The following GPM6B variants were observed in gnomAD, a reference collection of about 807,000 sequenced individuals.
GPM6B encodes glycoprotein M6B.
In GPM6B, 4 loss-of-function variants were observed where a neutral mutation model predicts 27.2. The ratio of observed to expected loss-of-function variants is 0.15; its 90% confidence interval spans 0.07 to 0.34. GPM6B has a LOEUF of 0.34. GPM6B is among the 10% of genes least tolerant of loss of function. The probability of loss-of-function intolerance (pLI) is 1.00; values close to 1 mark genes in which losing one functional copy is unlikely to be tolerated. For synonymous variants in GPM6B, 124 were observed against 103.1 expected, an observed-to-expected ratio of 1.20 and a Z score of -1.23; for missense variants, 183 against 261.9, an observed-to-expected ratio of 0.70 and a Z score of 2.08.
chrX:13,908,762 A>G (rs761024748), intron 1 of GPM6B, among the ~76,000 whole-genome samples: 2 of 112,632 alleles, frequency 1.8e-5, no homozygotes, highest in South Asian at 3.7e-4. Context: ...TTCAAAATAA[A>G]GAAATTTTAA....
Position 13,779,921 on chromosome X carries a change from C to G in GPM6B, c.594G>C (p.Val198=). 8.3e-7 allele frequency: 1 copy of G among 1,202,443 alleles called. No homozygotes were observed. Among genetic ancestry groups the G allele is most frequent in the Non-Finnish European group, 1.1e-6 (1 of 888,896 alleles). ...TTGACCATATGTTGTAGAACATAAA[C>G]ACGGGCACCGCTGAGAAACCAAACA... ...LGVFGFSAVP[V]FMFYNIWSTC... is the part of the protein sequence containing the mutation. Residue 198 remains valine, a synonymous_variant, in exon 5 of 8, where the codon GTG becomes GTC. Coordinates refer to ENST00000316715, the MANE Select transcript of GPM6B (RefSeq NM_001001995.3).
intron 1 of GPM6B, among the ~76,000 whole-genome samples, chrX:13,826,377 G>T (rs2049372501): frequency 9.0e-6 from 1 of 111,281 alleles, no homozygotes; most frequent in Non-Finnish European, 1.9e-5. Flanking sequence ...AATGGGAAAT[G>T]AGGACCAAAT....
chrX:13,808,374 C>T (rs2049062908), intron 1 of GPM6B, among the ~76,000 whole-genome samples: 1 of 112,233 alleles, frequency 8.9e-6, no homozygotes, highest in African/African-American at 3.2e-5. Context: ...ACAGAAAGGG[C>T]TACTGGTCTT....
rs1035556672 is a variant in GPM6B at position 13,907,738 on chromosome X, G to A, written c.-198+30589C>T. Reference sequence around the variant, plus strand: ...TTTAATGTTAAAATGGACTATTGAAGATTGCACTTCGTTCTTAAAATTGGC... The same window carrying A: ...TTTAATGTTAAAATGGACTATTGAAAATTGCACTTCGTTCTTAAAATTGGC... On this transcript the variant is annotated intron_variant, in intron 1 of 6. Transcript: ENST00000398361. Among the ~76,000 whole-genome samples, 119 of 112,422 alleles carry A rather than the reference G, an allele frequency of 1.1e-3. 1 individual carries two copies. Among genetic ancestry groups the A allele is most frequent in the African/African-American group, 3.7e-3 (114 of 31,039 alleles).
chrX:13,909,119 CCTT>C (rs1349214948), intron 1 of GPM6B, among the ~76,000 whole-genome samples: 6 of 73,678 alleles, frequency 8.1e-5, no homozygotes, highest in African/African-American at 3.3e-4. Context: ...TTGTTCATAT[CCTT>C]TTTTTTTTTT....
At chrX:13,789,773 T>C (rs1057416156) in intron 2 of GPM6B, among the ~76,000 whole-genome samples, 3 of 91,635 alleles carry the variant, frequency 3.3e-5, no homozygotes, top group African/African-American at 1.1e-4. Context: ...AGACTCCATC[T>C]CAAAACAAAA....
At chrX:13,791,458 A>T (rs1019260696) in intron 2 of GPM6B, among the ~76,000 whole-genome samples, 13 of 111,722 alleles carry the variant, frequency 1.2e-4, no homozygotes, top group African/African-American at 4.2e-4. Flanking sequence ...TTTTACTAGT[A>T]ATTCTCAATA....
intron 2 of GPM6B, among the ~76,000 whole-genome samples, chrX:13,789,250 A>T (rs1010469419): frequency 1.1e-4 from 12 of 112,200 alleles, no homozygotes; most frequent in Admixed American, 6.6e-4. Flanking sequence ...TGTATCTTCT[A>T]TGTCAGTATA....
chrX:13,852,958 T>A (rs144810193), intron 1 of GPM6B, among the ~76,000 whole-genome samples: 1 of 109,721 alleles, frequency 9.1e-6, no homozygotes. Context: ...AAACCTTTTA[T>A]GTGTATCATT....
chrX:13,774,591 C>T (rs777906195), intron 7 of GPM6B: 10 of 1,209,128 alleles, frequency 8.3e-6, no homozygotes, highest in Non-Finnish European at 1.1e-5. Context: ...TTCAAAACCG[C>T]ATAGTTATAT....
intron 1 of GPM6B, among the ~76,000 whole-genome samples, chrX:13,886,534 C>A (rs2050136526): frequency 9.3e-6 from 1 of 107,012 alleles, no homozygotes; most frequent in Admixed American, 1.0e-4. Context: ...CATTCCACAC[C>A]TCTATACCCG....
chrX:13,847,934 T>A (rs2040618), intron 1 of GPM6B, among the ~76,000 whole-genome samples: 43,054 of 110,692 alleles, frequency 0.39, 6,462 homozygotes, highest in Non-Finnish European at 0.47. Flanking sequence ...TATTAAGAGA[T>A]AAGTCGAGAA....
intron 1 of GPM6B, among the ~76,000 whole-genome samples, chrX:13,842,186 G>A (rs777720153): frequency 1.8e-5 from 2 of 112,243 alleles, no homozygotes; most frequent in African/African-American, 3.2e-5. Context: ...TTAGAAAATT[G>A]TCATTGCATT....
intron 1 of GPM6B, among the ~76,000 whole-genome samples, chrX:13,932,903 C>A (rs1921645829): frequency 8.9e-6 from 1 of 111,807 alleles, no homozygotes; most frequent in Non-Finnish European, 1.9e-5. Context: ...GAAAGAACAT[C>A]CAAACTGCTC....
Position 13,804,426 on chromosome X carries a change from C to T in GPM6B, c.181+3224G>A, listed in dbSNP as rs868585169. The stretch of plus-strand genomic sequence containing the variant: ...GCAGCATCATGGACGGCGGGGGGGG[C>T]GGGGGGCGGGGGTAGCCCATGTGGT... On this transcript the variant is annotated intron_variant, in intron 2 of 7. Coordinates refer to ENST00000316715, the MANE Select transcript of GPM6B (RefSeq NM_001001995.3). Among the ~76,000 whole-genome samples, 6 of 3,718 alleles carry T rather than the reference C, an allele frequency of 1.6e-3. No individual in the cohort carries two copies. The East Asian group carries it at 0.059, about 36-fold the overall frequency. The allele number at this position is 3,718 out of a possible 115,157, so 3.2% of individuals were successfully genotyped here.
At chrX:13,827,986 T>C (rs1336079167) in intron 1 of GPM6B, among the ~76,000 whole-genome samples, 1 of 111,250 alleles carries the variant, frequency 9.0e-6, no homozygotes, top group Non-Finnish European at 1.9e-5. Flanking sequence ...TGCTTTCTCA[T>C]GCAGGCACAC....
At position 13,907,422 on chromosome X, in the gene GPM6B, G is replaced by A. The variant is rs1347930858; in HGVS notation, c.-198+30905C>T. Among the ~76,000 whole-genome samples, 8 of 112,305 alleles carry A rather than the reference G, an allele frequency of 7.1e-5. No individual in the cohort carries two copies. The Admixed American group carries it at 7.5e-4, about 11-fold the overall frequency. On this transcript the variant is annotated intron_variant, in intron 1 of 6. Coordinates refer to the GPM6B transcript ENST00000398361. The stretch of plus-strand genomic sequence containing the variant: ...AATTCGGCTGGGCACAGTGGCTCAC[G>A]CCTGTAATCCCAGCACTTTGGGAGG...
chrX:13,777,672 T>C (rs1430402395), intron 5 of GPM6B, among the ~76,000 whole-genome samples: 1 of 112,677 alleles, frequency 8.9e-6, no homozygotes, highest in Non-Finnish European at 1.9e-5. Flanking sequence ...CCCCTACAAA[T>C]TGTGCTTTAT....
chrX:13,917,415 G>C (rs1467151751), intron 1 of GPM6B, among the ~76,000 whole-genome samples: 2 of 112,407 alleles, frequency 1.8e-5, no homozygotes, highest in Non-Finnish European at 3.8e-5. Flanking sequence ...TGAGGAGTGA[G>C]TCACTGGACG....
Sources: gnomAD v4.1 joint callset for allele counts (sites outside exome capture counted in the v4.1 genomes callset) on GRCh38, gnomAD v4.1.1 for gene constraint, MANE v1.5 for transcripts, NCBI Gene and HGNC (gene_info 2026-07-23, HGNC 2026-07-21) for gene names.